Variants in PITPNM2 observed in about 807,000 individuals in gnomAD.
The protein encoded by PITPNM2 is phosphatidylinositol transfer protein membrane associated 2.
A neutral mutation model predicts 132.2 loss-of-function variants in PITPNM2; 35 were observed. The observed-to-expected ratio is 0.26, with a 90% CI of 0.20 to 0.35. The LOEUF is 0.35. Ranked by LOEUF, PITPNM2 falls within the 10% of genes least tolerant of loss-of-function variation. PITPNM2 has a pLI of 1.00. For missense variants in PITPNM2, 1,332 were observed against 1,912.0 expected, an observed-to-expected ratio of 0.70 and a Z score of 5.66; for synonymous variants, 738 against 799.2, an observed-to-expected ratio of 0.92 and a Z score of 1.29.
chr12:123,081,684 A>G (rs907261113), intron 2 of PITPNM2: 1 of 151,908 alleles, frequency 6.6e-6, no homozygotes, highest in Non-Finnish European at 1.5e-5. Flanking sequence ...CAGGGTCCCG[A>G]CCCCACCAAG....
chr12:122,987,340 A>G lies in PITPNM2; in HGVS notation c.3354T>C (p.Ala1118=). 6 of 1,612,676 alleles carry G rather than the reference A, an allele frequency of 3.7e-6. No individual in the cohort carries two copies. Among genetic ancestry groups the G allele is most frequent in the Non-Finnish European group, 4.2e-6 (5 of 1,180,022 alleles). Reference sequence around the variant, plus strand: ...GGTCGCTGCCCATGATGGACACGCTAGCGGCAAAGGAACCGTCGATGCTGA... The same window carrying G: ...GGTCGCTGCCCATGATGGACACGCTGGCGGCAAAGGAACCGTCGATGCTGA... The part of the protein sequence containing the change: ...VVFSIDGSFA[A]SVSIMGSDPK... Residue 1118 remains alanine (A), a synonymous_variant, in exon 23 of 26, where the codon GCT becomes GCC. Coordinates refer to ENST00000320201, the MANE Select transcript of PITPNM2 (RefSeq NM_020845.3).
chr12:123,052,394 G>A (rs1051604346), intron 2 of PITPNM2, among the ~76,000 whole-genome samples: 1 of 152,194 alleles, frequency 6.6e-6, no homozygotes, highest in African/African-American at 2.4e-5. Context: ...TAAGGCTGGT[G>A]GATTTCTTGA....
chr12:123,013,430 C>CAAG (rs2039294205), intron 4 of PITPNM2, among the ~76,000 whole-genome samples: 1 of 152,238 alleles, frequency 6.6e-6, no homozygotes, highest in Non-Finnish European at 1.5e-5. Context: ...CTGAAGGTCT[C>CAAG]AGAGTTGGAA....
intron 3 of PITPNM2, among the ~76,000 whole-genome samples, chr12:123,025,412 C>A (rs1201392944): frequency 6.6e-6 from 1 of 151,784 alleles, no homozygotes; most frequent in African/African-American, 2.4e-5. Context: ...TTTAAAAGAG[C>A]TCCTGGAATG....
intron 2 of PITPNM2, among the ~76,000 whole-genome samples, chr12:123,049,625 A>G (rs969246833): frequency 1.3e-5 from 2 of 152,004 alleles, no homozygotes; most frequent in Non-Finnish European, 2.9e-5. Flanking sequence ...TACAGTGTAG[A>G]TTTCCTCTCC....
rs74682441 is a variant in PITPNM2, at chr12:123,123,935, C to CA, written c.-199-13448dup. Among the ~76,000 whole-genome samples the CA allele has an allele frequency of 3.4e-3, 384 of 111,588 alleles. 1 individual carries two copies. The highest frequency in any genetic ancestry group is 8.1e-3 in the East Asian group (33 of 4,098). 73.2% of individuals were successfully genotyped at this position (111,588 alleles called of 152,430 possible). ...TGGGCAACAGAGCAAGATTCTGCCT[C>CA]AAAAAAAAAAAAAAATTAAAATTTA... is the stretch of plus-strand genomic sequence containing the variant. On this transcript the variant is annotated intron_variant, in intron 1 of 25. Transcript: ENST00000320201.
At chr12:123,131,973 C>G (rs2043272539) in intron 1 of PITPNM2, among the ~76,000 whole-genome samples, 1 of 152,240 alleles carries the variant, frequency 6.6e-6, no homozygotes, top group Admixed American at 6.5e-5. Context: ...CACAACATGT[C>G]CGTGGCAGAA....
intron 1 of PITPNM2, among the ~76,000 whole-genome samples, chr12:123,132,124 G>A (rs2043278328): frequency 6.6e-6 from 1 of 152,250 alleles, no homozygotes; most frequent in Admixed American, 6.5e-5. Context: ...GCCAGGGACC[G>A]CAGGCAGTTG....
At chr12:123,125,911 C>A (rs1179347456) in intron 1 of PITPNM2, among the ~76,000 whole-genome samples, 4 of 127,784 alleles carry the variant, frequency 3.1e-5, no homozygotes, top group Non-Finnish European at 6.6e-5. Flanking sequence ...GCACTGTCAC[C>A]CAGGCTGGAG....
intron 2 of PITPNM2, among the ~76,000 whole-genome samples, chr12:123,098,485 T>C (rs529280353): frequency 3.7e-4 from 57 of 152,094 alleles, no homozygotes; most frequent in Admixed American, 2.0e-4. Flanking sequence ...GAGGATCACA[T>C]GAGTTCAGGA....
In PITPNM2 at chr12:123,108,437, G is replaced by A. The variant is rs78084268; in HGVS notation, c.-96+1948C>T. On this transcript the variant is annotated intron_variant, in intron 2 of 25. Transcript: ENST00000320201. This position sits in a 1 kb window ranked among gnomAD's most constrained non-coding sequence, Gnocchi z 4.4. The stretch of plus-strand genomic sequence containing the variant: ...TCCCTCAGAGCAATGTCAGTGCTCA[G>A]GCCATGCAGGGCAGAAGAGCTCTCA... 6.6e-6 allele frequency among the ~76,000 whole-genome samples: 1 copy of A among 152,170 alleles called. No individual in the cohort carries two copies. The highest frequency in any genetic ancestry group is 1.5e-5 in the Non-Finnish European group (1 of 68,028).
At chr12:123,033,895 A>G (rs1216348186) in intron 3 of PITPNM2, among the ~76,000 whole-genome samples, 2 of 152,196 alleles carry the variant, frequency 1.3e-5, no homozygotes, top group Non-Finnish European at 2.9e-5. Context: ...TATTTGAGTG[A>G]TAGATACCCT....
At chr12:123,033,852 T>C (rs188682627) in intron 3 of PITPNM2, among the ~76,000 whole-genome samples, 1 of 151,586 alleles carries the variant, frequency 6.6e-6, no homozygotes, top group African/African-American at 2.4e-5. Context: ...TAAGGAAGGG[T>C]GGAAGATGAG....
At chr12:123,133,821 C>CACAT (rs1555299891) in intron 1 of PITPNM2, among the ~76,000 whole-genome samples, 11,785 of 150,738 alleles carry the variant, frequency 0.078, 484 homozygotes, top group East Asian at 0.2. Flanking sequence ...CACAGACACA[C>CACAT]ACACGCTCCT....
chr12:123,145,642 G>T (rs550422154), intron 1 of PITPNM2, among the ~76,000 whole-genome samples: 1 of 152,130 alleles, frequency 6.6e-6, no homozygotes, highest in Non-Finnish European at 1.5e-5. Flanking sequence ...TTGGGTTTTT[G>T]ATTTGTCTGT....
chr12:123,126,793 C>G (rs1018599700), intron 1 of PITPNM2, among the ~76,000 whole-genome samples: 4 of 152,172 alleles, frequency 2.6e-5, no homozygotes, highest in African/African-American at 4.8e-5. Flanking sequence ...CTCTAGGGTT[C>G]TCTGTTGATT....
rs759164668 is a variant in PITPNM2 at position 123,009,902 on chromosome 12, C to T, written c.591G>A (p.Glu197=). ...TGGACTGCATGCCCCAGTAGCGGAACTCCACCTTGCAGAGCTTGTATGCGC... is the reference window on the plus strand; with the variant it reads ...TGGACTGCATGCCCCAGTAGCGGAATTCCACCTTGCAGAGCTTGTATGCGC... ...IMCAYKLCKV[E]FRYWGMQSKI... is the part of the protein sequence containing the mutation. Residue 197 remains glutamate (E), a synonymous_variant, in exon 6 of 26, where the codon GAG becomes GAA. Coordinates refer to ENST00000320201, the MANE Select transcript of PITPNM2 (RefSeq NM_020845.3). This position sits in a 1 kb window ranked among gnomAD's most constrained non-coding sequence, Gnocchi z 4.8. 4 of 1,614,212 alleles carry T rather than the reference C, an allele frequency of 2.5e-6. No homozygotes were observed. The highest frequency in any genetic ancestry group is 1.1e-5 in the South Asian group (1 of 91,076).
chr12:123,004,602 G>A lies in PITPNM2; in HGVS notation c.953-113C>T. The A allele has an allele frequency of 2.1e-6, 2 of 936,640 alleles. No individual in the cohort carries two copies. Among genetic ancestry groups the A allele is most frequent in the Non-Finnish European group, 3.4e-6 (2 of 584,346 alleles). The allele number at this position is 936,640 out of a possible 1,614,324, so 58.0% of individuals were successfully genotyped here. A position where few individuals can be genotyped will look rare whatever the true frequency, so the allele number is the denominator to read the frequency against. Reference sequence around the variant, plus strand: ...CCACAGGCCTGACAGGCATCACAGAGGCTGCCACAGGAGCCAGGAAGGTTC... The same window carrying A: ...CCACAGGCCTGACAGGCATCACAGAAGCTGCCACAGGAGCCAGGAAGGTTC... On this transcript the variant is annotated intron_variant, in intron 7 of 25. Coordinates refer to ENST00000320201, the MANE Select transcript of PITPNM2 (RefSeq NM_020845.3). The surrounding 1 kb of genome is among the most constrained non-coding windows in gnomAD (Gnocchi z 4.9).
At chr12:123,139,043 C>T (rs1566308067) in intron 1 of PITPNM2, among the ~76,000 whole-genome samples, 1 of 152,098 alleles carries the variant, frequency 6.6e-6, no homozygotes. Flanking sequence ...GAGGCTGAGG[C>T]AGGAGGATCC....
Sources: allele counts gnomAD v4.1 joint callset (sites outside exome capture counted in the v4.1 genomes callset), GRCh38; gene constraint gnomAD v4.1.1; non-coding constraint Gnocchi (gnomAD v3.1); transcripts MANE v1.5; gene names NCBI Gene and HGNC (gene_info 2026-07-23, HGNC 2026-07-21).